Variants in ERC2 observed in about 807,000 individuals in gnomAD.
ERC2 encodes ERC protein 2.
In ERC2, 42 loss-of-function variants were observed where a neutral mutation model predicts 114.8. That is an observed-to-expected ratio of 0.37 (90% CI 0.29 to 0.47). The LOEUF (loss-of-function observed/expected upper bound fraction) is 0.47. ERC2 is among the 20% of genes least tolerant of loss of function. The probability of loss-of-function intolerance (pLI) is 0.99; values close to 1 mark genes in which losing one functional copy is unlikely to be tolerated. For synonymous variants in ERC2, 454 were observed against 425.5 expected, an observed-to-expected ratio of 1.07 and a Z score of -0.82; for missense variants, 939 against 1,150.7, an observed-to-expected ratio of 0.82 and a Z score of 2.66.
At chr3:55,882,135 G>C (rs937088066) in intron 14 of ERC2, among the ~76,000 whole-genome samples, 1 of 152,168 alleles carries the variant, frequency 6.6e-6, no homozygotes, top group African/African-American at 2.4e-5. Flanking sequence ...CCTCTCCCTT[G>C]GGGGTGAGTG....
At chr3:55,789,843 A>G (rs1027099997) in intron 14 of ERC2, among the ~76,000 whole-genome samples, 2 of 152,202 alleles carry the variant, frequency 1.3e-5, no homozygotes, top group African/African-American at 2.4e-5. Flanking sequence ...TGACAAGGCC[A>G]GGGGACTTTT....
intron 15 of ERC2, among the ~76,000 whole-genome samples, chr3:55,709,854 G>A (rs1244343116): frequency 6.6e-6 from 1 of 152,192 alleles, no homozygotes; most frequent in Non-Finnish European, 1.5e-5. Context: ...CTTGGCAGCT[G>A]GGAGGGAGAA....
intron 7 of ERC2, among the ~76,000 whole-genome samples, chr3:56,023,060 C>T (rs539481693): frequency 6.6e-6 from 1 of 152,150 alleles, no homozygotes; most frequent in African/African-American, 2.4e-5. Flanking sequence ...GTCCTTAACT[C>T]TGGGCTTGCA....
At chr3:55,835,763 C>A (rs1302614322) in intron 14 of ERC2, among the ~76,000 whole-genome samples, 1 of 152,012 alleles carries the variant, frequency 6.6e-6, no homozygotes, top group Non-Finnish European at 1.5e-5. Context: ...GGCGATTAGG[C>A]AGGAGAAGGA....
intron 2 of ERC2, among the ~76,000 whole-genome samples, chr3:56,399,121 A>G (rs1392094349): frequency 1.3e-5 from 2 of 152,226 alleles, no homozygotes; most frequent in African/African-American, 4.8e-5. Context: ...GCAGGGCTCA[A>G]ACATCATGCT....
chr3:55,538,183 G>A (rs1397427836), intron 17 of ERC2, among the ~76,000 whole-genome samples: 5 of 152,146 alleles, frequency 3.3e-5, no homozygotes, highest in African/African-American at 9.7e-5. Context: ...ACATCAACCC[G>A]TGAGATTTTG....
At chr3:55,951,940 C>T (rs918737152) in intron 12 of ERC2, among the ~76,000 whole-genome samples, 3 of 151,686 alleles carry the variant, frequency 2.0e-5, no homozygotes, top group Non-Finnish European at 2.9e-5. Flanking sequence ...TCCAAGCAAA[C>T]GAAGCACAAG....
Position 55,792,695 on chromosome 3 carries a change from C to T in ERC2, c.2565-57777G>A, listed in dbSNP as rs1347804998. On this transcript the variant is annotated intron_variant, in intron 14 of 17. Coordinates refer to ENST00000288221, the MANE Select transcript of ERC2 (RefSeq NM_015576.3). ...GCAATCTGGATCCCGGACAACTTTT[C>T]CATTTATTATTTCCCAAAATGTAGA... Among the ~76,000 whole-genome samples, 6 of 152,170 alleles carry T rather than the reference C, an allele frequency of 3.9e-5. No homozygotes were observed. The East Asian group carries it at 1.2e-3, about 29-fold the overall frequency.
rs538975080 is a variant in ERC2, at chr3:55,922,958, G to T, written c.2403+27467C>A. ...AAAAGCAAAATGGTGTAGCTACTGT[G>T]GAAAACAGTATGGCAGCTCCTCAAA... On this transcript the variant is annotated intron_variant, in intron 13 of 17. Transcript: ENST00000288221. Among the ~76,000 whole-genome samples, 37 of 152,168 alleles carry T rather than the reference G, an allele frequency of 2.4e-4. No individual in the cohort carries two copies. The South Asian group carries it at 4.6e-3, about 19-fold the overall frequency.
chr3:55,840,717 C>T (rs910423059), intron 14 of ERC2, among the ~76,000 whole-genome samples: 3 of 151,930 alleles, frequency 2.0e-5, no homozygotes, highest in Admixed American at 6.6e-5. Flanking sequence ...AGCCCTGAAC[C>T]GGAAACAATC....
chr3:55,723,135 T>C (rs1157915916), intron 15 of ERC2, among the ~76,000 whole-genome samples: 1 of 152,172 alleles, frequency 6.6e-6, no homozygotes, highest in Non-Finnish European at 1.5e-5. Context: ...CCAAGAAATA[T>C]GTTTTCGAAG....
At chr3:55,631,984 A>C (rs2059775447) in intron 17 of ERC2, among the ~76,000 whole-genome samples, 1 of 152,206 alleles carries the variant, frequency 6.6e-6, no homozygotes, top group Admixed American at 6.5e-5. Context: ...TTGAGATATT[A>C]AGTCCTTTGC....
intron 10 of ERC2, among the ~76,000 whole-genome samples, chr3:55,995,494 T>C (rs148542148): frequency 6.6e-6 from 1 of 152,174 alleles, no homozygotes; most frequent in Non-Finnish European, 1.5e-5. Context: ...GGGAGAGCTA[T>C]TAAAATGTCA....
rs1559906638 is a variant in ERC2 at position 55,942,301 on chromosome 3, T to TTTTTTTTTTTTTG, written c.2403+8123_2403+8124insCAAAAAAAAAAAA. On this transcript the variant is annotated intron_variant, in intron 13 of 17. Coordinates refer to ENST00000288221, the MANE Select transcript of ERC2 (RefSeq NM_015576.3). ...TTTTTTTTTTTTTTTTTTTTTTTTT[T>TTTTTTTTTTTTTG]TTGTTGAGACGGAGTCTCGCTCTGT... Among the ~76,000 whole-genome samples, 10 of 120,780 alleles carry TTTTTTTTTTTTTG rather than the reference T, an allele frequency of 8.3e-5. 3 individuals are homozygous for TTTTTTTTTTTTTG. The highest frequency in any genetic ancestry group is 3.4e-4 in the African/African-American group (10 of 29,468). 79.2% of individuals were successfully genotyped at this position (120,780 alleles called of 152,430 possible). A position where few individuals can be genotyped will look rare whatever the true frequency, so the allele number is the denominator to read the frequency against.
chr3:55,858,305 T>C (rs1288360561), intron 14 of ERC2, among the ~76,000 whole-genome samples: 2 of 152,232 alleles, frequency 1.3e-5, no homozygotes, highest in Non-Finnish European at 2.9e-5. Context: ...GTTTATATAT[T>C]ACATGTCTTT....
chr3:56,023,293 T>C (rs1162715161), intron 7 of ERC2, among the ~76,000 whole-genome samples: 2 of 152,060 alleles, frequency 1.3e-5, no homozygotes, highest in Non-Finnish European at 2.9e-5. Context: ...ATGGCTCCCA[T>C]TGCCCCCCAC....
At chr3:56,437,851 G>A (rs2062095770) in intron 1 of ERC2, among the ~76,000 whole-genome samples, 1 of 152,166 alleles carries the variant, frequency 6.6e-6, no homozygotes, top group Non-Finnish European at 1.5e-5. Flanking sequence ...AGATGTTCAT[G>A]ACATACTGGT....
chr3:55,679,254 T>C (rs2061948538), intron 17 of ERC2, among the ~76,000 whole-genome samples: 1 of 152,118 alleles, frequency 6.6e-6, no homozygotes, highest in Non-Finnish European at 1.5e-5. Context: ...ATAAACTCCT[T>C]CCCACCTCCA....
chr3:55,532,731 G>A (rs1415183538), intron 17 of ERC2, among the ~76,000 whole-genome samples: 1 of 152,190 alleles, frequency 6.6e-6, no homozygotes, highest in African/African-American at 2.4e-5. Context: ...GCCCTAGTAA[G>A]CTGCACCCCC....
Sources: allele counts gnomAD v4.1 joint callset (sites outside exome capture counted in the v4.1 genomes callset), GRCh38; gene constraint gnomAD v4.1.1; transcripts MANE v1.5; gene names NCBI Gene and HGNC (gene_info 2026-07-23, HGNC 2026-07-21).